NXPH2: variants seen among roughly 807,000 people sequenced by gnomAD.
The protein encoded by NXPH2 is neurexophilin-2.
Under a neutral mutation model 19.8 loss-of-function variants are expected in NXPH2, and 5 were observed. That is an observed-to-expected ratio of 0.25 (90% confidence interval 0.13 to 0.53). The LOEUF (loss-of-function observed/expected upper bound fraction) is 0.53, where lower values mean the gene tolerates loss of function less well. Among genes scored for constraint, NXPH2 ranks in the 20% least tolerant of loss-of-function variants. The pLI, the probability that NXPH2 is intolerant of heterozygous loss-of-function variation, is 0.96. For synonymous variants in NXPH2, 154 were observed against 127.4 expected (o/e 1.21, Z -1.41); for missense variants, 289 against 322.8 (o/e 0.90, Z 0.80).
intron 1 of NXPH2, among the ~76,000 whole-genome samples, chr2:138,701,485 C>T (rs1365255615): frequency 6.6e-6 from 1 of 152,122 alleles, no homozygotes; most frequent in Non-Finnish European, 1.5e-5. Flanking sequence ...TGAGCACCAA[C>T]TACACACAAG....
chr2:138,734,536 G>T (rs1213927066), intron 1 of NXPH2, among the ~76,000 whole-genome samples: 2 of 152,160 alleles, frequency 1.3e-5, no homozygotes, highest in Non-Finnish European at 2.9e-5. Context: ...GAGTACTTGA[G>T]CTGAATTTTA....
chr2:138,708,206 A>G (rs911799212), intron 1 of NXPH2, among the ~76,000 whole-genome samples: 1 of 152,162 alleles, frequency 6.6e-6, no homozygotes, highest in Non-Finnish European at 1.5e-5. Flanking sequence ...CGATCTGGAA[A>G]AACAACAATA....
chr2:138,694,551 G>GA (rs1680799610), intron 1 of NXPH2, among the ~76,000 whole-genome samples: 1 of 152,120 alleles, frequency 6.6e-6, no homozygotes, highest in Admixed American at 6.5e-5. Context: ...AAGAGGTGAG[G>GA]AAGGACCCTG....
chr2:138,771,409 T>C (rs1346394118), intron 1 of NXPH2, among the ~76,000 whole-genome samples: 1 of 151,588 alleles, frequency 6.6e-6, no homozygotes, highest in Admixed American at 6.6e-5. Context: ...GCCCTGAGTA[T>C]AAGGTATGAG....
chr2:138,739,900 A>G (rs780455641), intron 1 of NXPH2, among the ~76,000 whole-genome samples: 3 of 152,262 alleles, frequency 2.0e-5, no homozygotes, highest in Non-Finnish European at 4.4e-5. Context: ...TAGGGAGGCC[A>G]GATAGAAAGC....
intron 1 of NXPH2, among the ~76,000 whole-genome samples, chr2:138,751,697 C>T (rs1573977913): frequency 6.6e-6 from 1 of 152,074 alleles, no homozygotes; most frequent in African/African-American, 2.4e-5. Flanking sequence ...AAAATAGTGT[C>T]AGCTTTCATG....
intron 1 of NXPH2, among the ~76,000 whole-genome samples, chr2:138,675,943 A>G (rs1680477711): frequency 1.3e-5 from 1 of 75,444 alleles, no homozygotes; most frequent in African/African-American, 5.4e-5. Flanking sequence ...TAAAAAGTAC[A>G]TATATATACA....
At chr2:138,744,797 G>A (rs16841103) in intron 1 of NXPH2, among the ~76,000 whole-genome samples, 4,068 of 152,226 alleles carry the variant, frequency 0.027, 180 homozygotes, top group East Asian at 0.2. Context: ...TAAGGACCAC[G>A]AATCAAGCTC....
At chr2:138,712,413 T>A (rs1339511591) in intron 1 of NXPH2, among the ~76,000 whole-genome samples, 1 of 152,192 alleles carries the variant, frequency 6.6e-6, no homozygotes, top group Non-Finnish European at 1.5e-5. Flanking sequence ...TCATTTCCTG[T>A]TTCTGGACTT....
At chr2:138,771,931 T>G (rs756219554) in intron 1 of NXPH2, among the ~76,000 whole-genome samples, 1 of 152,182 alleles carries the variant, frequency 6.6e-6, no homozygotes, top group Non-Finnish European at 1.5e-5. Flanking sequence ...ATACATATTT[T>G]CATTAAAAGA....
At chr2:138,743,816 A>G (rs1486801944) in intron 1 of NXPH2, among the ~76,000 whole-genome samples, 1 of 152,090 alleles carries the variant, frequency 6.6e-6, no homozygotes, top group Non-Finnish European at 1.5e-5. Flanking sequence ...TAGCCTGGCC[A>G]AGATGATGAA....
intron 1 of NXPH2, among the ~76,000 whole-genome samples, chr2:138,778,005 A>G (rs1318647221): frequency 2.0e-5 from 3 of 152,288 alleles, no homozygotes; most frequent in Non-Finnish European, 4.4e-5. Context: ...GAACAAAACT[A>G]TGAGCCATCC....
intron 1 of NXPH2, among the ~76,000 whole-genome samples, chr2:138,755,087 A>T (rs956788367): frequency 2.6e-5 from 4 of 152,094 alleles, no homozygotes; most frequent in African/African-American, 9.7e-5. Flanking sequence ...TTCTTTGTAT[A>T]TGTTGCATAC....
chr2:138,765,875 T>G (rs928928225), intron 1 of NXPH2, among the ~76,000 whole-genome samples: 26 of 152,250 alleles, frequency 1.7e-4, no homozygotes, highest in African/African-American at 6.0e-4. Flanking sequence ...TATTTGTGAT[T>G]GCCAATTTCA....
At chr2:138,679,256 T>C (rs1265563563) in intron 1 of NXPH2, among the ~76,000 whole-genome samples, 1 of 152,232 alleles carries the variant, frequency 6.6e-6, no homozygotes, top group Admixed American at 6.5e-5. Flanking sequence ...GTGGTACTTT[T>C]GTTACTTACA....
chr2:138,727,733 C>G (rs993352452), intron 1 of NXPH2, among the ~76,000 whole-genome samples: 1 of 151,924 alleles, frequency 6.6e-6, no homozygotes, highest in African/African-American at 2.4e-5. Context: ...CTTTTCTTGA[C>G]ACTGTGTTTT....
intron 1 of NXPH2, among the ~76,000 whole-genome samples, chr2:138,737,741 G>T (rs572236485): frequency 6.6e-6 from 1 of 152,098 alleles, no homozygotes; most frequent in Non-Finnish European, 1.5e-5. Flanking sequence ...ATCCTCATCA[G>T]TATCTATAAA....
intron 1 of NXPH2, among the ~76,000 whole-genome samples, chr2:138,693,462 T>C (rs1680773536): frequency 6.6e-6 from 1 of 152,188 alleles, no homozygotes; most frequent in South Asian, 2.1e-4. Flanking sequence ...AAGAACAGTA[T>C]ATTCAGAACC....
chr2:138,698,904 T>C (rs928661679), intron 1 of NXPH2, among the ~76,000 whole-genome samples: 6 of 152,250 alleles, frequency 3.9e-5, no homozygotes, highest in African/African-American at 1.2e-4. Flanking sequence ...TAGTTTCTGG[T>C]GAAATTGAAA....
Sources: allele counts gnomAD v4.1 joint callset (sites outside exome capture counted in the v4.1 genomes callset), GRCh38; gene constraint gnomAD v4.1.1; transcripts MANE v1.5; gene names NCBI Gene and HGNC (gene_info 2026-07-23, HGNC 2026-07-21).